The following KLRG2 variants were observed in gnomAD, a reference collection of about 807,000 sequenced individuals.
KLRG2 encodes killer cell lectin-like receptor subfamily G member 2.
KLRG2 carries 39 observed loss-of-function variants against 35.4 expected under a neutral mutation model. That is an observed-to-expected ratio of 1.10 (90% CI 0.85 to 1.44). The LOEUF (loss-of-function observed/expected upper bound fraction) is 1.44. Ranked by LOEUF, KLRG2 falls within the 40% of genes most tolerant of loss-of-function variation. The pLI is 0.00. For synonymous variants in KLRG2, 283 were observed against 265.8 expected (o/e 1.06, Z -0.63); for missense variants, 632 against 570.9 (o/e 1.11, Z -1.09).
chr7:139,428,633 AGG>A, the KLRG2 span, among the ~76,000 whole-genome samples: 5 of 136,500 alleles, frequency 3.7e-5, no homozygotes, highest in African/African-American at 1.7e-4. Flanking sequence ...ACAATCTACT[AGG>A]TAATGAAACA....
intron 3 of KLRG2, among the ~76,000 whole-genome samples, chr7:139,471,638 A>G (rs1796758278): frequency 6.6e-6 from 1 of 151,970 alleles, no homozygotes; most frequent in African/African-American, 2.4e-5. Flanking sequence ...TCCAGCCTGG[A>G]CAGCTGAGCG....
chr7:139,446,416 T>C, the KLRG2 span, among the ~76,000 whole-genome samples: 4 of 140,252 alleles, frequency 2.9e-5, no homozygotes, highest in South Asian at 4.9e-4. Context: ...CAGTCTCGGC[T>C]CACTCCAACT....
the KLRG2 span, among the ~76,000 whole-genome samples, chr7:139,443,799 C>T: frequency 4.6e-5 from 7 of 152,042 alleles, no homozygotes; most frequent in African/African-American, 9.7e-5. Context: ...TGACCTCGTC[C>T]GCCCACCACG....
chr7:139,477,398 A>T (rs1252178251), intron 3 of KLRG2, among the ~76,000 whole-genome samples: 2 of 152,208 alleles, frequency 1.3e-5, no homozygotes, highest in Admixed American at 6.6e-5. Flanking sequence ...ATTCAGCCTT[A>T]AAAAGGAAGG....
chr7:139,449,988 A>C (rs2116414290), downstream of KLRG2, among the ~76,000 whole-genome samples: 1 of 151,824 alleles, frequency 6.6e-6, no homozygotes, highest in East Asian at 2.0e-4. Context: ...GGCGTGAGCC[A>C]CTGTGCCCGG....
At chr7:139,468,052 G>A (rs60254554) in intron 3 of KLRG2, among the ~76,000 whole-genome samples, 20,449 of 152,166 alleles carry the variant, frequency 0.13, 1,563 homozygotes, top group African/African-American at 0.21. Context: ...GTTTATGTGT[G>A]TGCATATCTA....
chr7:139,468,493 T>C (rs1334568521), intron 3 of KLRG2, among the ~76,000 whole-genome samples: 2 of 152,158 alleles, frequency 1.3e-5, no homozygotes, highest in Non-Finnish European at 2.9e-5. Flanking sequence ...TCTTTGACTG[T>C]AATTTTCCAC....
chr7:139,452,072 A>G (rs1569408378), downstream of KLRG2, among the ~76,000 whole-genome samples: 6 of 149,972 alleles, frequency 4.0e-5, 1 homozygote, highest in East Asian at 1.2e-3. Context: ...GGGTTCAAGC[A>G]ATTCTCCTGC....
intron 3 of KLRG2, among the ~76,000 whole-genome samples, chr7:139,466,778 A>G (rs1409611414): frequency 1.3e-5 from 2 of 148,986 alleles, no homozygotes; most frequent in African/African-American, 5.0e-5. Context: ...GGTACTCTGT[A>G]TATTTTTAAA....
At chr7:139,441,001 T>A in the KLRG2 span, among the ~76,000 whole-genome samples, 2 of 152,334 alleles carry the variant, frequency 1.3e-5, no homozygotes, top group East Asian at 1.9e-4. Context: ...CCCAGCACTT[T>A]GGGAGGCCGA....
At chr7:139,479,349 G>C (rs1313052155) in intron 3 of KLRG2, among the ~76,000 whole-genome samples, 2 of 152,156 alleles carry the variant, frequency 1.3e-5, no homozygotes, top group Non-Finnish European at 2.9e-5. Flanking sequence ...CCAGAGTGCT[G>C]GGATTACAGG....
chr7:139,447,809 A>G (rs1318299911), downstream of KLRG2, among the ~76,000 whole-genome samples: 2 of 152,130 alleles, frequency 1.3e-5, no homozygotes, highest in African/African-American at 2.4e-5. Context: ...ATTCTCTGCA[A>G]GCCTGGCTGC....
chr7:139,464,737 AC>A (rs1407756585), intron 3 of KLRG2, among the ~76,000 whole-genome samples: 2 of 152,178 alleles, frequency 1.3e-5, no homozygotes, highest in Non-Finnish European at 2.9e-5. Flanking sequence ...AAACAATTTG[AC>A]CTTACTCTTT....
At chr7:139,473,964 GAAAT>G (rs1217598587) in intron 3 of KLRG2, among the ~76,000 whole-genome samples, 1 of 147,464 alleles carries the variant, frequency 6.8e-6, no homozygotes, top group Non-Finnish European at 1.5e-5. Context: ...TTCCAGAGAA[GAAAT>G]AAAAATGAAT....
intron 2 of KLRG2, 34 bp downstream of exon 2, chr7:139,480,112 G>T: frequency 7.3e-7 from 1 of 1,376,938 alleles, no homozygotes; most frequent in Non-Finnish European, 1.0e-6. Flanking sequence ...TGGAGCGGCA[G>T]GGAGAGGGGA....
intron 3 of KLRG2, among the ~76,000 whole-genome samples, chr7:139,464,482 C>A (rs1408336368): frequency 6.6e-6 from 1 of 152,134 alleles, no homozygotes; most frequent in African/African-American, 2.4e-5. Context: ...ATATACTCTC[C>A]TATCCTCAAT....
chr7:139,439,116 TTAATTCATAA>T, the KLRG2 span, among the ~76,000 whole-genome samples: 1 of 152,178 alleles, frequency 6.6e-6, no homozygotes, highest in African/African-American at 2.4e-5. Flanking sequence ...TCATAACAGC[TTAATTCATAA>T]CCACCCCAGA....
the KLRG2 span, among the ~76,000 whole-genome samples, chr7:139,430,011 C>G: frequency 6.6e-6 from 1 of 152,306 alleles, no homozygotes; most frequent in East Asian, 1.9e-4. Flanking sequence ...CCTCAAAATA[C>G]GATCTCTAAA....
At chr7:139,482,102 C>T (rs1015713249) in intron 1 of KLRG2, among the ~76,000 whole-genome samples, 15 of 152,196 alleles carry the variant, frequency 9.9e-5, no homozygotes, top group African/African-American at 3.6e-4. Context: ...GCCGCACATA[C>T]TACTGGCACA....
Sources: gnomAD v4.1 joint callset for allele counts (sites outside exome capture counted in the v4.1 genomes callset) on GRCh38, gnomAD v4.1.1 for gene constraint, MANE v1.5 for transcripts, NCBI Gene and HGNC (gene_info 2026-07-23, HGNC 2026-07-21) for gene names.